Variants in C2CD5 observed in about 807,000 individuals in gnomAD.
C2CD5 encodes C2 calcium dependent domain containing 5.
In C2CD5, 109 loss-of-function variants were observed where a neutral mutation model predicts 130.3. That is an observed-to-expected ratio of 0.84 (90% CI 0.72 to 0.98). The LOEUF (loss-of-function observed/expected upper bound fraction) is 0.98, where lower values mean the gene tolerates loss of function less well. Ranked by LOEUF, C2CD5 falls within the 50% of genes least tolerant of loss-of-function variation. The pLI, the probability that C2CD5 is intolerant of heterozygous loss-of-function variation, is 0.00. For missense variants in C2CD5, 996 were observed against 1,261.8 expected (o/e 0.79, Z 3.19); for synonymous variants, 454 against 429.2 (o/e 1.06, Z -0.71).
At position 22,544,164 on chromosome 12, in the gene C2CD5, GCCT is replaced by G. The variant is rs1415248481; in HGVS notation, c.-17_-15del. ...CTTCCCTGGCATGGTCTCGGTTTCG[GCCT>G]CTTCTTGGGCTCCTGCAGAAACAAA... On this transcript the variant is annotated 5_prime_UTR_variant, in exon 2 of 27. Transcript: ENST00000446597. The G allele has an allele frequency of 1.2e-6, 2 of 1,613,334 alleles. No homozygotes were observed. The highest frequency in any genetic ancestry group is 1.7e-6 in the Non-Finnish European group (2 of 1,179,466).
chr12:22,472,976 C>T (rs543353758), intron 16 of C2CD5, among the ~76,000 whole-genome samples, 169 bp from the exon 17 acceptor site: 1 of 152,192 alleles, frequency 6.6e-6, no homozygotes, highest in East Asian at 1.9e-4. Flanking sequence ...GTAATAACCA[C>T]AAATACTTCC....
chr12:22,505,724 A>C (rs965774308), intron 10 of C2CD5, among the ~76,000 whole-genome samples: 5 of 152,158 alleles, frequency 3.3e-5, no homozygotes, highest in African/African-American at 1.2e-4. Flanking sequence ...AAAGGGCCTG[A>C]ATCCAGTGGG....
intron 8 of C2CD5, among the ~76,000 whole-genome samples, chr12:22,515,303 A>T (rs1949607385): frequency 1.3e-5 from 2 of 152,200 alleles, no homozygotes; most frequent in African/African-American, 2.4e-5. Flanking sequence ...AGTCACTAGC[A>T]AGACCATCTA....
chr12:22,452,639 T>A (rs574461277), intron 26 of C2CD5, among the ~76,000 whole-genome samples: 1 of 152,332 alleles, frequency 6.6e-6, no homozygotes, highest in African/African-American at 2.4e-5. Context: ...TATCACTATG[T>A]TTCTTCAACA....
intron 3 of C2CD5, 186 bp downstream of exon 3, chr12:22,535,072 A>G: frequency 1.8e-6 from 1 of 553,696 alleles, no homozygotes; most frequent in South Asian, 2.2e-5. Context: ...GTGTTATCAT[A>G]TACTGTATTT....
intron 18 of C2CD5, 62 bp downstream of exon 18, chr12:22,472,224 A>C (rs775321843): frequency 1.3e-4 from 135 of 1,047,474 alleles, no homozygotes; most frequent in Non-Finnish European, 1.8e-4. Flanking sequence ...ACAAATATTT[A>C]AATGGAACTT....
At chr12:22,493,415 T>C (rs1946610114) in intron 10 of C2CD5, 78 bp from the exon 11 acceptor site, 1 of 707,644 alleles carries the variant, frequency 1.4e-6, no homozygotes, top group Admixed American at 2.4e-5. Context: ...AAAATAAACA[T>C]ACTATGGGAA....
At chr12:22,483,320 T>A (rs971359209) in intron 13 of C2CD5, among the ~76,000 whole-genome samples, 15 of 151,998 alleles carry the variant, frequency 9.9e-5, no homozygotes, top group South Asian at 2.1e-4. Context: ...TCAATATAAA[T>A]GGAAAGCAGA....
intron 3 of C2CD5, among the ~76,000 whole-genome samples, chr12:22,531,223 A>G (rs1004992429): frequency 1.3e-5 from 2 of 152,206 alleles, no homozygotes; most frequent in East Asian, 3.8e-4. Flanking sequence ...ATACATGTGC[A>G]ACGGGTCTTT....
chr12:22,476,204 C>A lies in C2CD5; in HGVS notation c.1903-1313G>T, dbSNP rs552456979. ...TTAATGTATTGACAAAAAATTTAAA[C>A]AGCAGCATTTATTTCAGTGAGGGCT... On this transcript the variant is annotated intron_variant, in intron 15 of 26. Transcript: ENST00000446597. Among the ~76,000 whole-genome samples, 230 of 152,106 alleles carry A rather than the reference C, an allele frequency of 1.5e-3. 1 individual carries two copies. Among genetic ancestry groups the A allele is most frequent in the African/African-American group, 5.2e-3 (214 of 41,510 alleles).
At chr12:22,488,262 C>T (rs892477257) in intron 12 of C2CD5, among the ~76,000 whole-genome samples, 1 of 151,836 alleles carries the variant, frequency 6.6e-6, no homozygotes, top group African/African-American at 2.4e-5. Context: ...AGTGAATTAG[C>T]ATGAAAAATG....
intron 2 of C2CD5, among the ~76,000 whole-genome samples, chr12:22,543,531 C>T (rs964584704): frequency 6.6e-6 from 1 of 152,308 alleles, no homozygotes; most frequent in African/African-American, 2.4e-5. Context: ...TCCAAGTGCC[C>T]ATAAAGGGCT....
chr12:22,523,769 G>T, intron 6 of C2CD5, 145 bp from the exon 7 acceptor site: 2 of 628,140 alleles, frequency 3.2e-6, no homozygotes, highest in Non-Finnish European at 5.5e-6. Context: ...AGATAATCTG[G>T]TTTAGCCTCT....
intron 10 of C2CD5, among the ~76,000 whole-genome samples, chr12:22,504,071 G>GGAAT (rs1172028718): frequency 6.6e-6 from 1 of 151,982 alleles, no homozygotes; most frequent in Non-Finnish European, 1.5e-5. Context: ...TTCTGTAATA[G>GGAAT]GAATCATTCT....
chr12:22,497,397 T>C (rs1947159993), intron 10 of C2CD5, among the ~76,000 whole-genome samples: 1 of 151,312 alleles, frequency 6.6e-6, no homozygotes, highest in Admixed American at 6.6e-5. Flanking sequence ...ATAAAACATG[T>C]ACCCCATAAA....
In C2CD5 at chr12:22,536,690, A is replaced by G. The variant is rs538413387; in HGVS notation, c.91-1346T>C. Among the ~76,000 whole-genome samples, 12 of 152,364 alleles carry G rather than the reference A, an allele frequency of 7.9e-5. No individual in the cohort carries two copies. In the East Asian group the frequency reaches 2.3e-3, roughly 29 times the overall value. The stretch of plus-strand genomic sequence containing the variant: ...TTAAGAGGATGAAGAATAGATTAAC[A>G]TAAGCCAAAGAACTGACAGCAATTA... On this transcript the variant is annotated intron_variant, in intron 2 of 26. Transcript: ENST00000446597.
chr12:22,512,769 T>C (rs1203190374), intron 9 of C2CD5: 6 of 840,960 alleles, frequency 7.1e-6, no homozygotes, highest in Non-Finnish European at 9.0e-6. Flanking sequence ...TGAACAAATA[T>C]AGCTAAATCT....
At chr12:22,535,182 A>C (rs1951705532) in intron 3 of C2CD5, 76 bp downstream of exon 3, 2 of 790,374 alleles carry the variant, frequency 2.5e-6, no homozygotes, top group East Asian at 4.9e-5. Flanking sequence ...CTGAAATAAA[A>C]GGTTCTCATT....
chr12:22,508,161 C>CA (rs1307975543), intron 9 of C2CD5, among the ~76,000 whole-genome samples: 30 of 152,126 alleles, frequency 2.0e-4, no homozygotes, highest in Non-Finnish European at 2.1e-4. Flanking sequence ...CAGTCCTGTG[C>CA]ACCTCAGTAA....
Sources: gnomAD v4.1 joint callset for allele counts (sites outside exome capture counted in the v4.1 genomes callset) on GRCh38, gnomAD v4.1.1 for gene constraint, MANE v1.5 for transcripts, NCBI Gene and HGNC (gene_info 2026-07-23, HGNC 2026-07-21) for gene names.